Variants in PAPPA2 observed in about 807,000 individuals in gnomAD.
PAPPA2 encodes pappalysin-2.
Under a neutral mutation model 176.4 loss-of-function variants are expected in PAPPA2, and 86 were observed. That is an observed-to-expected ratio of 0.49 (90% CI 0.41 to 0.58). The LOEUF is 0.58. Ranked by LOEUF, PAPPA2 falls within the 20% of genes least tolerant of loss-of-function variation. PAPPA2 has a pLI of 0.00. For synonymous variants in PAPPA2, 809 were observed against 852.2 expected, an observed-to-expected ratio of 0.95 and a Z score of 0.88; for missense variants, 2,073 against 2,256.9, an observed-to-expected ratio of 0.92 and a Z score of 1.65.
At chr1:176,725,578 A>G (rs1661827839) in intron 12 of PAPPA2, among the ~76,000 whole-genome samples, 1 of 152,212 alleles carries the variant, frequency 6.6e-6, no homozygotes, top group Non-Finnish European at 1.5e-5. Context: ...CAGATACAGT[A>G]AAGTGAAAAA....
In PAPPA2 at chr1:176,711,951, C is replaced by T. The variant is rs373167458; in HGVS notation, c.3768C>T (p.Ser1256=). 6.2e-7 allele frequency: 1 copy of T among 1,612,902 alleles called. No individual in the cohort carries two copies. Among genetic ancestry groups the T allele is most frequent in the African/African-American group, 1.3e-5 (1 of 74,754 alleles). The change falls in exon 12 of 23, where the codon AGC becomes AGT. Residue 1256 remains serine, a synonymous_variant. Transcript: ENST00000367662. ...ACAGGAGTGAACAGCCAGAAGGTAG[C>T]CTGAAGAAAGAGGATGAGGTTTGGC... ...QDDRSEQPEG[S]LKKEDEVWLK... is the part of the protein sequence containing the mutation.
Position 176,706,353 on chromosome 1 carries a change from C to T in PAPPA2, c.3366-6C>T, listed in dbSNP as rs767894783. 1.2e-6 allele frequency: 2 copies of T among 1,612,846 alleles called. No homozygotes were observed. Among genetic ancestry groups the T allele is most frequent in the Non-Finnish European group, 1.7e-6 (2 of 1,179,144 alleles). ...GTTATATATGCATATATATTTTACC[C>T]TCTAGGAGACTGGGAGAAGAGTGTG... On this transcript the variant is annotated splice_region_variant and splice_polypyrimidine_tract_variant and intron_variant, in intron 9 of 22. Transcript: ENST00000367662.
rs528409266 is a variant in PAPPA2, at chr1:176,739,555, A to G, written c.3799-71A>G. On this transcript the variant is annotated intron_variant, in intron 12 of 22. Transcript: ENST00000367662. Reference sequence around the variant, plus strand: ...AATAGTGAGCTCTCTAAGAAGAATAAAAATTGTATAGCACATGTCTTGATA... The same window carrying G: ...AATAGTGAGCTCTCTAAGAAGAATAGAAATTGTATAGCACATGTCTTGATA... 8 of 1,481,574 alleles carry G rather than the reference A, an allele frequency of 5.4e-6. No homozygotes were observed. In the South Asian group the frequency reaches 9.6e-5, roughly 18 times the overall value. 91.8% of individuals were successfully genotyped at this position (1,481,574 alleles called of 1,614,324 possible).
chr1:176,840,967 A>G (rs565488011), intron 22 of PAPPA2, among the ~76,000 whole-genome samples: 1 of 152,336 alleles, frequency 6.6e-6, no homozygotes, highest in Admixed American at 6.5e-5. Context: ...CAATAAAACC[A>G]TACCTACCAT....
At chr1:176,689,887 T>C (rs1346812083) in intron 4 of PAPPA2, among the ~76,000 whole-genome samples, 1 of 152,200 alleles carries the variant, frequency 6.6e-6, no homozygotes, top group Non-Finnish European at 1.5e-5. Context: ...GGCTCTCTAT[T>C]ATGTCAACAT....
intron 14 of PAPPA2, among the ~76,000 whole-genome samples, chr1:176,741,210 A>T (rs1662665238): frequency 2.6e-5 from 4 of 152,148 alleles, no homozygotes; most frequent in Non-Finnish European, 2.9e-5. Flanking sequence ...AAGATCTCTT[A>T]TGAGGTTGTA....
chr1:176,469,559 A>G (rs766390229), intron 1 of PAPPA2, among the ~76,000 whole-genome samples: 1 of 152,214 alleles, frequency 6.6e-6, no homozygotes, highest in Non-Finnish European at 1.5e-5. Flanking sequence ...TTAAGTGAGC[A>G]GTTGCATACT....
At chr1:176,747,142 T>G (rs1375254758) in intron 14 of PAPPA2, among the ~76,000 whole-genome samples, 1 of 152,222 alleles carries the variant, frequency 6.6e-6, no homozygotes, top group African/African-American at 2.4e-5. Context: ...TGTCTACTAC[T>G]CTTCAAGAAA....
chr1:176,552,340 G>A (rs150787156), intron 1 of PAPPA2, among the ~76,000 whole-genome samples: 19 of 88,396 alleles, frequency 2.1e-4, no homozygotes, highest in Admixed American at 1.5e-3. Flanking sequence ...CCTCCCCCTC[G>A]CCTTGCTCCC....
At chr1:176,547,234 TG>T (rs1250297997) in intron 1 of PAPPA2, among the ~76,000 whole-genome samples, 1 of 152,160 alleles carries the variant, frequency 6.6e-6, no homozygotes, top group African/African-American at 2.4e-5. Flanking sequence ...CAGCTTTTCA[TG>T]GGTCTGTCTC....
At chr1:176,636,744 C>G (rs1034408931) in intron 3 of PAPPA2, among the ~76,000 whole-genome samples, 3 of 152,054 alleles carry the variant, frequency 2.0e-5, no homozygotes, top group Non-Finnish European at 4.4e-5. Flanking sequence ...CATTGTACAT[C>G]TCTGGTCTAA....
chr1:176,743,498 CA>C (rs1662775667), intron 14 of PAPPA2, among the ~76,000 whole-genome samples: 1 of 152,158 alleles, frequency 6.6e-6, no homozygotes, highest in African/African-American at 2.4e-5. Flanking sequence ...CAGTTGTTTC[CA>C]GCTCTGGCCA....
intron 3 of PAPPA2, among the ~76,000 whole-genome samples, chr1:176,650,905 G>T (rs767635390): frequency 1.3e-5 from 2 of 151,546 alleles, no homozygotes; most frequent in Non-Finnish European, 3.0e-5. Context: ...GAGGCTTCAA[G>T]AAAACATCTT....
intron 3 of PAPPA2, among the ~76,000 whole-genome samples, chr1:176,655,308 T>C (rs1657970594): frequency 6.6e-6 from 1 of 151,852 alleles, no homozygotes; most frequent in African/African-American, 2.4e-5. Context: ...AAATGCTTTT[T>C]CTGCATCCAT....
intron 17 of PAPPA2, among the ~76,000 whole-genome samples, chr1:176,773,741 A>C (rs762606912): frequency 2.6e-5 from 4 of 152,202 alleles, no homozygotes; most frequent in Admixed American, 2.6e-4. Flanking sequence ...TACATATGCT[A>C]TATTACTTTT....
chr1:176,816,646 T>G (rs1338612615), intron 21 of PAPPA2, among the ~76,000 whole-genome samples: 2 of 151,996 alleles, frequency 1.3e-5, no homozygotes, highest in African/African-American at 2.4e-5. Flanking sequence ...TTTTTTATAC[T>G]AATATTTTAG....
chr1:176,581,103 A>G (rs1004071601), intron 2 of PAPPA2, among the ~76,000 whole-genome samples: 2 of 152,150 alleles, frequency 1.3e-5, no homozygotes, highest in East Asian at 1.9e-4. Context: ...TGTGTCTTAC[A>G]TTTAGGTCTT....
chr1:176,584,513 A>G (rs914323530), intron 2 of PAPPA2, among the ~76,000 whole-genome samples: 2 of 151,264 alleles, frequency 1.3e-5, no homozygotes, highest in Non-Finnish European at 2.9e-5. Flanking sequence ...CTTTCAGTCT[A>G]TGTGTGTCTT....
intron 1 of PAPPA2, among the ~76,000 whole-genome samples, chr1:176,543,737 G>C (rs1450876561): frequency 6.6e-6 from 1 of 152,206 alleles, no homozygotes; most frequent in East Asian, 1.9e-4. Flanking sequence ...CCATGGTGTA[G>C]AGTTGTAAGG....
Sources: allele counts gnomAD v4.1 joint callset (sites outside exome capture counted in the v4.1 genomes callset), GRCh38; gene constraint gnomAD v4.1.1; transcripts MANE v1.5; gene names NCBI Gene and HGNC (gene_info 2026-07-23, HGNC 2026-07-21).